NR3C2: variants seen among roughly 807,000 people sequenced by gnomAD.
NR3C2 encodes mineralocorticoid receptor.
Under a neutral mutation model 86.4 loss-of-function variants are expected in NR3C2, and 15 were observed. That is an observed-to-expected ratio of 0.17 (90% CI 0.12 to 0.27). The LOEUF (loss-of-function observed/expected upper bound fraction) is 0.27, where lower values mean the gene tolerates loss of function less well. NR3C2 is among the 10% of genes least tolerant of loss of function. The probability of loss-of-function intolerance (pLI) is 1.00; values close to 1 mark genes in which losing one functional copy is unlikely to be tolerated. For synonymous variants in NR3C2, 458 were observed against 450.5 expected, an observed-to-expected ratio of 1.02 and a Z score of -0.21; for missense variants, 960 against 1,195.6, an observed-to-expected ratio of 0.80 and a Z score of 2.91.
chr4:148,109,301 C>T (rs1204584677), intron 8 of NR3C2, among the ~76,000 whole-genome samples: 1 of 152,184 alleles, frequency 6.6e-6, no homozygotes, highest in Non-Finnish European at 1.5e-5. Context: ...TGCCCTGTGA[C>T]CTCCAGGTGC....
intron 2 of NR3C2, among the ~76,000 whole-genome samples, chr4:148,369,896 A>G (rs897532689): frequency 1.2e-4 from 18 of 152,348 alleles, no homozygotes; most frequent in Admixed American, 3.3e-4. Flanking sequence ...CAGTCTCTCC[A>G]TATGCTGCAA....
chr4:148,110,915 C>T (rs1293759856), intron 8 of NR3C2, among the ~76,000 whole-genome samples: 1 of 152,124 alleles, frequency 6.6e-6, no homozygotes, highest in African/African-American at 2.4e-5. Flanking sequence ...AGAAAAGCTC[C>T]ATGACACTGG....
chr4:148,264,740 G>C (rs1359899055), intron 2 of NR3C2, among the ~76,000 whole-genome samples: 1 of 152,150 alleles, frequency 6.6e-6, no homozygotes, highest in East Asian at 1.9e-4. Context: ...AGCCTGTCCT[G>C]ATCAAGTTTA....
At chr4:148,141,444 TCTCA>T (rs1560942782) in intron 6 of NR3C2, among the ~76,000 whole-genome samples, 2 of 149,976 alleles carry the variant, frequency 1.3e-5, no homozygotes. Context: ...TCTCCCTCTC[TCTCA>T]CACACACACA....
intron 6 of NR3C2, among the ~76,000 whole-genome samples, chr4:148,128,548 C>CGTGG (rs2149740356): frequency 6.6e-6 from 1 of 152,266 alleles, no homozygotes; most frequent in South Asian, 2.1e-4. Context: ...GGTGGCCATC[C>CGTGG]ACCACAGTGA....
chr4:148,371,139 G>T (rs1746396888), intron 2 of NR3C2, among the ~76,000 whole-genome samples: 1 of 152,132 alleles, frequency 6.6e-6, no homozygotes, highest in Non-Finnish European at 1.5e-5. Context: ...TCACATTGGG[G>T]TAAATGGGGA....
At chr4:148,257,495 A>G (rs1289376084) in intron 3 of NR3C2, among the ~76,000 whole-genome samples, 2 of 152,172 alleles carry the variant, frequency 1.3e-5, no homozygotes, top group African/African-American at 2.4e-5. Flanking sequence ...TGACTTGAGT[A>G]AGGGTCTAAC....
intron 2 of NR3C2, among the ~76,000 whole-genome samples, chr4:148,357,887 T>A (rs1216970785): frequency 4.6e-5 from 7 of 152,208 alleles, no homozygotes; most frequent in Non-Finnish European, 1.0e-4. Flanking sequence ...AATAGGAAGT[T>A]CTTACCTTTT....
chr4:148,199,628 T>C (rs770106176), intron 3 of NR3C2, among the ~76,000 whole-genome samples: 3 of 152,054 alleles, frequency 2.0e-5, no homozygotes, highest in South Asian at 2.1e-4. Context: ...GTAACTGATA[T>C]TTACAGACAG....
chr4:148,220,241 C>A (rs1737767119), intron 3 of NR3C2, among the ~76,000 whole-genome samples: 1 of 152,060 alleles, frequency 6.6e-6, no homozygotes. Context: ...CACGCACCAC[C>A]AAACCCAGAT....
intron 8 of NR3C2, among the ~76,000 whole-genome samples, chr4:148,108,781 A>G (rs928968442): frequency 6.6e-6 from 1 of 152,202 alleles, no homozygotes; most frequent in African/African-American, 2.4e-5. Context: ...GAGGCCAACT[A>G]ACATTTTGTT....
At chr4:148,239,164 C>A (rs1421728133) in intron 3 of NR3C2, among the ~76,000 whole-genome samples, 1 of 152,200 alleles carries the variant, frequency 6.6e-6, no homozygotes, top group Non-Finnish European at 1.5e-5. Context: ...AAAAGTGAAG[C>A]CAAGTAAATG....
intron 2 of NR3C2, among the ~76,000 whole-genome samples, chr4:148,339,417 T>G (rs72656820): frequency 1.7e-3 from 265 of 152,298 alleles, no homozygotes; most frequent in African/African-American, 5.8e-3. Flanking sequence ...TAGCTAAACA[T>G]TAACCCTAGA....
chr4:148,413,471 G>A (rs72732310), intron 2 of NR3C2, among the ~76,000 whole-genome samples: 205 of 152,032 alleles, frequency 1.3e-3, no homozygotes, highest in Non-Finnish European at 2.0e-3. Flanking sequence ...CAAACCTTAA[G>A]CAGTAAAAAT....
At chr4:148,384,235 A>C (rs1265556603) in intron 2 of NR3C2, among the ~76,000 whole-genome samples, 2 of 152,122 alleles carry the variant, frequency 1.3e-5, no homozygotes, top group East Asian at 3.9e-4. Context: ...TAGGAACTAA[A>C]ATTTTCTTCA....
At position 148,283,145 on chromosome 4, in the gene NR3C2, A is replaced by G. The variant is rs560410165; in HGVS notation, c.1758-23028T>C. 2.0e-5 allele frequency among the ~76,000 whole-genome samples: 3 copies of G among 152,344 alleles called. No homozygotes were observed. In the East Asian group the frequency reaches 5.8e-4, roughly 29 times the overall value. On this transcript the variant is annotated intron_variant, in intron 2 of 8. Coordinates refer to ENST00000358102, the MANE Select transcript of NR3C2 (RefSeq NM_000901.5). ...TAATTGGGTCATTTTAAAGATAAGC[A>G]GCAGCAATCAAAGGAATAAGATAGC...
chr4:148,227,360 G>A (rs1207611583), intron 3 of NR3C2, among the ~76,000 whole-genome samples: 1 of 152,112 alleles, frequency 6.6e-6, no homozygotes, highest in East Asian at 1.9e-4. Flanking sequence ...ACAATTCCAG[G>A]TGGTACATGA....
At chr4:148,403,780 C>A (rs1273425382) in intron 2 of NR3C2, among the ~76,000 whole-genome samples, 1 of 151,898 alleles carries the variant, frequency 6.6e-6, no homozygotes, top group African/African-American at 2.4e-5. Flanking sequence ...TTCACATTTC[C>A]TCTGATAACT....
chr4:148,144,718 ACT>A (rs1231215003), intron 6 of NR3C2, among the ~76,000 whole-genome samples: 1 of 152,024 alleles, frequency 6.6e-6, no homozygotes, highest in African/African-American at 2.4e-5. Context: ...CCTAGAGTTC[ACT>A]CTGTCTAGCC....
Sources: gnomAD v4.1 joint callset for allele counts (sites outside exome capture counted in the v4.1 genomes callset) on GRCh38, gnomAD v4.1.1 for gene constraint, MANE v1.5 for transcripts, NCBI Gene and HGNC (gene_info 2026-07-23, HGNC 2026-07-21) for gene names.